PNKP: variants seen among roughly 807,000 people sequenced by gnomAD.
PNKP encodes the protein polynucleotide kinase 3'-phosphatase.
A neutral mutation model predicts 66.2 loss-of-function variants in PNKP; 82 were observed. The ratio of observed to expected loss-of-function variants is 1.24; its 90% CI spans 1.04 to 1.49. The LOEUF is 1.49. PNKP is among the 40% of genes most tolerant of loss of function. The pLI, the probability that PNKP is intolerant of heterozygous loss-of-function variation, is 0.00. For synonymous variants in PNKP, 412 were observed against 298.9 expected (o/e 1.38, Z -3.90); for missense variants, 907 against 706.8 (o/e 1.28, Z -3.21).
Position 49,862,297 on chromosome 19 carries a change from G to T in PNKP, c.1030-16C>A, listed in dbSNP as rs772191471. The T allele has an allele frequency of 1.3e-6, 2 of 1,564,644 alleles. No individual in the cohort carries two copies. The highest frequency in any genetic ancestry group is 1.7e-6 in the Non-Finnish European group (2 of 1,154,340). On this transcript the variant is annotated splice_polypyrimidine_tract_variant and intron_variant, in intron 11 of 16. Transcript: ENST00000322344. The stretch of plus-strand genomic sequence containing the variant: ...AGACAGTCCTCTGCGAGGGGCGGGG[G>T]ACACGCGTGAGATGCCGTCCCCATC...
chr19:49,864,027 C>A lies in PNKP; in HGVS notation c.681G>T (p.Leu227=), dbSNP rs761210579. 6.2e-7 allele frequency: 1 copy of A among 1,614,038 alleles called. No homozygotes were observed. The highest frequency in any genetic ancestry group is 2.2e-5 in the East Asian group (1 of 44,876). The part of the protein sequence containing the change: ...TNQMSIGRGK[L]PAEEFKAKVE... ...CCTTGGCCTTGAACTCCTCGGCTGGCAGCTTCCCGCGCCCGATGCTCATCT... is the reference window on the plus strand; with the variant it reads ...CCTTGGCCTTGAACTCCTCGGCTGGAAGCTTCCCGCGCCCGATGCTCATCT... Residue 227 remains leucine, a synonymous_variant, in exon 7 of 17, where the codon CTG becomes CTT. Coordinates refer to ENST00000322344, the MANE Select transcript of PNKP (RefSeq NM_007254.4).
Position 49,865,430 on chromosome 19 carries a change from C to G in PNKP, c.199-4G>C. ...TAGTTGAGGGGTTAACTCCCAGCTG[C>G]AGAAAGAGAGGGAGGAGCTGGGACT... On this transcript the variant is annotated splice_polypyrimidine_tract_variant and splice_region_variant and intron_variant, in intron 3 of 16. Transcript: ENST00000322344. The G allele has an allele frequency of 6.3e-7, 1 of 1,596,636 alleles. No homozygotes were observed. Among genetic ancestry groups the G allele is most frequent in the Non-Finnish European group, 8.5e-7 (1 of 1,171,118 alleles).
At chr19:49,862,633 C>T in intron 9 of PNKP, 25 bp from the exon 10 acceptor site, 2 of 1,614,016 alleles carry the variant, frequency 1.2e-6, no homozygotes, top group Non-Finnish European at 8.5e-7. Context: ...ACACCCCGTT[C>T]CCACCAGCTC....
rs780067167 is a variant in PNKP, at chr19:49,861,686, C to T, written c.1308G>A (p.Gln436=). ...PDAASRARYV[Q]CARAAGVPCR... Reference sequence around the variant, plus strand: ...AGGGGACGCCCGCGGCTCGGGCACACTGGACGTACCTGTGGGGGAAGGAGC... The same window carrying T: ...AGGGGACGCCCGCGGCTCGGGCACATTGGACGTACCTGTGGGGGAAGGAGC... Residue 436 remains glutamine (Q), a synonymous_variant, in exon 15 of 17, where the codon CAG becomes CAA. Coordinates refer to ENST00000322344, the MANE Select transcript of PNKP (RefSeq NM_007254.4). 4 of 1,547,338 alleles carry T rather than the reference C, an allele frequency of 2.6e-6. No homozygotes were observed. Among genetic ancestry groups the T allele is most frequent in the African/African-American group, 2.7e-5 (2 of 72,982 alleles).
At chr19:49,862,314 GT>G (rs779117082) in intron 11 of PNKP, 33 bp from the exon 12 acceptor site, 25 of 1,545,268 alleles carry the variant, frequency 1.6e-5, no homozygotes, top group Non-Finnish European at 2.1e-5. Context: ...GTGAGATGCC[GT>G]CCCCATCCCC....
chr19:49,861,463 G>C lies in PNKP; in HGVS notation c.1434C>G (p.Val478=). 1 of 1,613,230 alleles carries C rather than the reference G, an allele frequency of 6.2e-7. No individual in the cohort carries two copies. Among genetic ancestry groups the C allele is most frequent in the South Asian group, 1.1e-5 (1 of 91,022 alleles). The change falls in exon 16 of 17, where the codon GTC becomes GTG. Residue 478 remains valine, a synonymous_variant. Transcript: ENST00000322344. ...CCCAACAGTACCTGTAGCCATACAT[G>C]ACCATGTCTGACACGGGGATATGAG... is the stretch of plus-strand genomic sequence containing the variant. The part of the protein sequence containing the change: ...DSSHIPVSDM[V]MYGYRKQFEA...
At position 49,862,345 on chromosome 19, in the gene PNKP, C is replaced by T. The variant is rs1024316115; in HGVS notation, c.1029+26G>A. ...ATCCCCGGGAGCCCTCCCATCCCCA[C>T]CCCCACCCCCGCCCCAGGGCCTCAC... On this transcript the variant is annotated intron_variant, in intron 11 of 16. Coordinates refer to ENST00000322344, the MANE Select transcript of PNKP (RefSeq NM_007254.4). 5.9e-6 allele frequency: 8 copies of T among 1,348,466 alleles called. No homozygotes were observed. In the African/African-American group the frequency reaches 1.0e-4, roughly 17 times the overall value. The allele number at this position is 1,348,466 out of a possible 1,614,324, so 83.5% of individuals were successfully genotyped here.
chr19:49,861,536 AGGCCCAG>A, intron 15 of PNKP, 26 bp from the exon 16 acceptor site: 9 of 1,285,810 alleles, frequency 7.0e-6, no homozygotes, highest in Non-Finnish European at 8.5e-6. Context: ...GAGGGGCGGC[AGGCCCAG>A]GGGTCAGGGG....
Position 49,862,050 on chromosome 19 carries a change from C to G in PNKP, c.1182G>C (p.Val394=), listed in dbSNP as rs1416491595. ...GGCAAAAGCCTGGTCATACCCTGTT[C>G]ACGTGGACATATCCGGCCGACACGA... ...KHLVSAGYVH[V]NRDTLGSWQR... Residue 394 remains valine, a synonymous_variant, in exon 13 of 17, where the codon GTG becomes GTC. Transcript: ENST00000322344. 6.2e-7 allele frequency: 1 copy of G among 1,614,128 alleles called. No individual in the cohort carries two copies.
intron 3 of PNKP, chr19:49,866,094 C>T: frequency 6.7e-6 from 3 of 446,254 alleles, no homozygotes; most frequent in Non-Finnish European, 1.3e-5. Context: ...CTCACTACAC[C>T]CTTGACCTAC....
In PNKP at chr19:49,862,541, G is replaced by A. The variant is rs755200425; in HGVS notation, c.933C>T (p.Arg311=). The change falls in exon 10 of 17, where the codon CGC becomes CGT. Residue 311 remains arginine, a synonymous_variant. Coordinates refer to ENST00000322344, the MANE Select transcript of PNKP (RefSeq NM_007254.4). ...RKKKDFSCAD[R]LFALNLGLPF... ...GGGCAGGGGGCAGGGGCCTCACCAG[G>A]CGATCGGCGCAGGAGAAGTCTTTCT... 6.2e-7 allele frequency: 1 copy of A among 1,609,618 alleles called. No homozygotes were observed. Among genetic ancestry groups the A allele is most frequent in the African/African-American group, 1.3e-5 (1 of 74,836 alleles).
chr19:49,865,213 T>C lies in PNKP; in HGVS notation c.412A>G (p.Lys138Glu). 3 of 1,614,216 alleles carry C rather than the reference T, an allele frequency of 1.9e-6. No homozygotes were observed. Among genetic ancestry groups the C allele is most frequent in the Non-Finnish European group, 2.5e-6 (3 of 1,180,030 alleles). ...CCGGGGTTTGACTTCCGCATACGCTTCTTCGGCAGCTCAGCATCTCTCTTC... is the reference window on the plus strand; with the variant it reads ...CCGGGGTTTGACTTCCGCATACGCTCCTTCGGCAGCTCAGCATCTCTCTTC... ...DEKRDAELPKKRMRKSNPGWE... is the reference protein window; with the variant it reads ...DEKRDAELPKERMRKSNPGWE... The change falls in exon 4 of 17, where the codon AAG becomes GAG. Residue 138 changes from lysine to glutamate, a missense_variant. By Grantham distance (56) the Lys-to-Glu change is moderately conservative. Transcript: ENST00000322344.
intron 8 of PNKP, among the ~76,000 whole-genome samples, chr19:49,863,025 C>CTCAG (rs2074790889): frequency 6.6e-6 from 1 of 152,154 alleles, no homozygotes; most frequent in African/African-American, 2.4e-5. Flanking sequence ...TCCGGCGTGC[C>CTCAG]GGCGCCTCCC....
chr19:49,865,012 A>G, intron 4 of PNKP, 115 bp downstream of exon 4: 1 of 784,782 alleles, frequency 1.3e-6, no homozygotes, highest in Non-Finnish European at 2.1e-6. Context: ...TGCATTTATC[A>G]TTAGGCCCAT....
Position 49,865,572 on chromosome 19 carries a change from CG to C in PNKP, c.199-147del, listed in dbSNP as rs1171557426. On this transcript the variant is annotated intron_variant, in intron 3 of 16. Coordinates refer to ENST00000322344, the MANE Select transcript of PNKP (RefSeq NM_007254.4). ...CTTCACTTTGGAACGGGCTTTGGAA[CG>C]GTTACAGGTTTTCAGCCTTGTCCGA... The C allele has an allele frequency of 8.5e-6, 5 of 590,494 alleles. No homozygotes were observed. In the Admixed American group the frequency reaches 1.5e-4, roughly 18 times the overall value. 36.6% of individuals were successfully genotyped at this position (590,494 alleles called of 1,614,324 possible). A position where few individuals can be genotyped will look rare whatever the true frequency, so the allele number is the denominator to read the frequency against.
At position 49,861,332 on chromosome 19, in the gene PNKP, G is replaced by C. The variant is rs60279874; in HGVS notation, c.1482C>G (p.Gly494=). 3.7e-6 allele frequency: 6 copies of C among 1,614,172 alleles called. No individual in the cohort carries two copies. Among genetic ancestry groups the C allele is most frequent in the South Asian group, 2.2e-5 (2 of 91,086 alleles). Residue 494 remains glycine (G), a synonymous_variant, in exon 17 of 17, where the codon GGC becomes GGG. Coordinates refer to ENST00000322344, the MANE Select transcript of PNKP (RefSeq NM_007254.4). The part of the protein sequence containing the change: ...KQFEAPTLAE[G]FSAILEIPFR... ...ACGGGATCTCCAGGATGGCAGAGAA[G>C]CCTTCAGCCAGCGTTGGGGCCTCGA...
chr19:49,864,765 G>T (rs904755572), intron 4 of PNKP, among the ~76,000 whole-genome samples: 10 of 152,196 alleles, frequency 6.6e-5, no homozygotes, highest in African/African-American at 2.2e-4. Context: ...TGCATGTCAG[G>T]AACTATGCCA....
Position 49,862,561 on chromosome 19 carries a change from CTT to C in PNKP, c.911_912del (p.Lys304ArgfsTer21), listed in dbSNP as rs2074784664. ...PANWAPGRKK[K>X]DFSCADRLFA... Reference sequence around the variant, plus strand: ...ACCAGGCGATCGGCGCAGGAGAAGTCTTTCTTCTTCCGCCCCGGGGCCCAGTT... The same window carrying C: ...ACCAGGCGATCGGCGCAGGAGAAGTCTCTTCTTCCGCCCCGGGGCCCAGTT... On this transcript the variant is annotated frameshift_variant, in exon 10 of 17. Coordinates refer to ENST00000322344, the MANE Select transcript of PNKP (RefSeq NM_007254.4). LOFTEE classifies it high-confidence loss of function. The C allele has an allele frequency of 6.2e-7, 1 of 1,612,480 alleles. No homozygotes were observed. Among genetic ancestry groups the C allele is most frequent in the Non-Finnish European group, 8.5e-7 (1 of 1,179,262 alleles).
chr19:49,862,643 C>T (rs1320124939), intron 9 of PNKP, 35 bp from the exon 10 acceptor site: 2 of 1,613,568 alleles, frequency 1.2e-6, no homozygotes, highest in Admixed American at 3.3e-5. Flanking sequence ...CCCACCAGCT[C>T]GGAGGGAGGC....
Sources: allele counts gnomAD v4.1 joint callset (sites outside exome capture counted in the v4.1 genomes callset), GRCh38; gene constraint gnomAD v4.1.1; transcripts MANE v1.5; gene names NCBI Gene and HGNC (gene_info 2026-07-23, HGNC 2026-07-21).